The following ERGIC1 variants were observed in gnomAD, a reference collection of about 807,000 sequenced individuals.
ERGIC1 encodes the protein endoplasmic reticulum-golgi intermediate compartment 1.
In ERGIC1, 19 loss-of-function variants were observed where a neutral mutation model predicts 38.3. The observed-to-expected ratio is 0.50, with a 90% CI of 0.35 to 0.73. ERGIC1 has a LOEUF of 0.73. Among genes scored for constraint, ERGIC1 ranks in the 30% least tolerant of loss-of-function variants. The probability of loss-of-function intolerance (pLI) is 0.01; values close to 1 mark genes in which losing one functional copy is unlikely to be tolerated. For synonymous variants in ERGIC1, 124 were observed against 157.6 expected, an observed-to-expected ratio of 0.79 and a Z score of 1.60; for missense variants, 294 against 389.2, an observed-to-expected ratio of 0.76 and a Z score of 2.06.
chr5:172,914,234 CA>C (rs35584191), intron 4 of ERGIC1, among the ~76,000 whole-genome samples: 247 of 102,172 alleles, frequency 2.4e-3, no homozygotes, highest in East Asian at 0.017. Flanking sequence ...GACTCTGTCT[CA>C]AAAAAAAAAA....
chr5:172,876,973 T>C (rs1208254589), intron 1 of ERGIC1, among the ~76,000 whole-genome samples: 1 of 152,208 alleles, frequency 6.6e-6, no homozygotes, highest in African/African-American at 2.4e-5. Context: ...GCCTAATTTA[T>C]CATTTTTCTT....
intron 1 of ERGIC1, among the ~76,000 whole-genome samples, chr5:172,856,003 CA>C: frequency 6.6e-6 from 1 of 152,306 alleles, no homozygotes; most frequent in Non-Finnish European, 1.5e-5. Flanking sequence ...TTTAGTTCAT[CA>C]AATGTCACTT....
At chr5:172,873,029 T>C (rs1234818509) in intron 1 of ERGIC1, among the ~76,000 whole-genome samples, 1 of 152,188 alleles carries the variant, frequency 6.6e-6, no homozygotes, top group African/African-American at 2.4e-5. Flanking sequence ...TTTAAATCTC[T>C]GTGAAAGGCC....
chr5:172,949,909 T>A (rs1222295780), intron 9 of ERGIC1, among the ~76,000 whole-genome samples: 1 of 152,082 alleles, frequency 6.6e-6, no homozygotes, highest in Non-Finnish European at 1.5e-5. Context: ...CTGTCTCTAC[T>A]AAAAATACAA....
chr5:172,924,603 C>G (rs78451893), intron 6 of ERGIC1, among the ~76,000 whole-genome samples: 5,761 of 152,056 alleles, frequency 0.038, 378 homozygotes, highest in African/African-American at 0.13. Flanking sequence ...ACCCAGGAGG[C>G]AAGACTATAG....
At chr5:172,897,385 C>T (rs951906739) in intron 3 of ERGIC1, among the ~76,000 whole-genome samples, 4 of 149,622 alleles carry the variant, frequency 2.7e-5, no homozygotes, top group African/African-American at 5.0e-5. Flanking sequence ...ACCAAGAGTG[C>T]GCCACTGCAC....
chr5:172,847,271 TCTG>T (rs1761302239), intron 1 of ERGIC1, among the ~76,000 whole-genome samples: 1 of 152,140 alleles, frequency 6.6e-6, no homozygotes, highest in Admixed American at 6.6e-5. Flanking sequence ...GGCCATCACT[TCTG>T]CTCACACTCC....
intron 9 of ERGIC1, chr5:172,937,027 CAG>C (rs2113475726): frequency 1.3e-5 from 2 of 152,188 alleles, no homozygotes; most frequent in East Asian, 3.9e-4. Flanking sequence ...AGAAAACAGA[CAG>C]AGAGATACAA....
At chr5:172,893,916 T>TATATATATATACAC (rs1420718318) in intron 2 of ERGIC1, among the ~76,000 whole-genome samples, 42 of 81,776 alleles carry the variant, frequency 5.1e-4, no homozygotes, top group African/African-American at 1.5e-3. Flanking sequence ...TGTGTGTGTG[T>TATATATATATACAC]GTGTGTGTGT....
In ERGIC1 at chr5:172,834,264, G is replaced by T; in HGVS notation, c.-150G>T. 1.3e-6 allele frequency: 1 copy of T among 762,820 alleles called. No individual in the cohort carries two copies. Among genetic ancestry groups the T allele is most frequent in the South Asian group, 6.1e-5 (1 of 16,476 alleles). The allele number at this position is 762,820 out of a possible 1,614,324, so 47.3% of individuals were successfully genotyped here. A position where few individuals can be genotyped will look rare whatever the true frequency, so the allele number is the denominator to read the frequency against. On this transcript the variant is annotated 5_prime_UTR_variant, in exon 1 of 10. Coordinates refer to ENST00000393784, the MANE Select transcript of ERGIC1 (RefSeq NM_001031711.3). The surrounding 1 kb of genome is among the most constrained non-coding windows in gnomAD (Gnocchi z 4.1). Reference sequence around the variant, plus strand: ...GCGCGGAGCGTCACTTCCCGGCAGCGGGAGGCGAGTGGCGAGTGGCGAGTG... The same window carrying T: ...GCGCGGAGCGTCACTTCCCGGCAGCTGGAGGCGAGTGGCGAGTGGCGAGTG...
At chr5:172,840,935 G>A (rs1376338909) in intron 1 of ERGIC1, among the ~76,000 whole-genome samples, 6 of 152,174 alleles carry the variant, frequency 3.9e-5, no homozygotes, top group Non-Finnish European at 4.4e-5. Flanking sequence ...TGCCGCACTG[G>A]CTGCCTCACT....
chr5:172,936,061 C>G (rs1187004214), intron 9 of ERGIC1: 1 of 152,206 alleles, frequency 6.6e-6, no homozygotes, highest in African/African-American at 2.4e-5. Flanking sequence ...GGCCCTTATG[C>G]TTCTGTACTT....
chr5:172,866,543 TCCC>T (rs975640134), intron 1 of ERGIC1, among the ~76,000 whole-genome samples: 1 of 152,156 alleles, frequency 6.6e-6, no homozygotes, highest in African/African-American at 2.4e-5. Context: ...GGGGAAGCAC[TCCC>T]CCATGGGGGC....
At chr5:172,893,868 GATATATATATATAT>G (rs1191189327) in intron 2 of ERGIC1, among the ~76,000 whole-genome samples, 9 of 28,250 alleles carry the variant, frequency 3.2e-4, no homozygotes, top group South Asian at 2.3e-3. Context: ...CACTTAGGGG[GATATATATATATAT>G]ATATATATAT....
chr5:172,912,012 A>G (rs1005840937), intron 4 of ERGIC1, among the ~76,000 whole-genome samples: 3 of 146,716 alleles, frequency 2.0e-5, no homozygotes, highest in Admixed American at 6.8e-5. Flanking sequence ...TTTTGTTGTT[A>G]TTGTTGTTTT....
At chr5:172,869,096 G>A (rs1761940939) in intron 1 of ERGIC1, among the ~76,000 whole-genome samples, 1 of 152,220 alleles carries the variant, frequency 6.6e-6, no homozygotes, top group African/African-American at 2.4e-5. Context: ...GTGGGGAGCT[G>A]GAGGGAGGCA....
intron 1 of ERGIC1, among the ~76,000 whole-genome samples, chr5:172,858,382 C>T (rs914765018): frequency 2.6e-5 from 4 of 152,228 alleles, no homozygotes; most frequent in African/African-American, 4.8e-5. Flanking sequence ...CAGATCCTCA[C>T]GAACTCTTGA....
chr5:172,894,421 C>T lies in ERGIC1; in HGVS notation c.83-2581C>T, dbSNP rs915867955. On this transcript the variant is annotated intron_variant, in intron 2 of 9. Coordinates refer to ENST00000393784, the MANE Select transcript of ERGIC1 (RefSeq NM_001031711.3). ...GTGTTGGTCAGGCTGGTCTCGAACT[C>T]TTGACTTCGTGATCCGCCCGCCTCG... Among the ~76,000 whole-genome samples the T allele has an allele frequency of 3.3e-5, 5 of 151,982 alleles. No homozygotes were observed. In the East Asian group the frequency reaches 9.7e-4, roughly 29 times the overall value.
intron 5 of ERGIC1, among the ~76,000 whole-genome samples, chr5:172,923,360 AGGAGGAGGG>A (rs199959361): frequency 0.061 from 6,670 of 110,196 alleles, 218 homozygotes; most frequent in African/African-American, 0.12. Flanking sequence ...AGCATCTGGG[AGGAGGAGGG>A]GGAGGAGGGG....
Sources: gnomAD v4.1 joint callset for allele counts (sites outside exome capture counted in the v4.1 genomes callset) on GRCh38, gnomAD v4.1.1 for gene constraint, Gnocchi (gnomAD v3.1) non-coding constraint, MANE v1.5 for transcripts, NCBI Gene and HGNC (gene_info 2026-07-23, HGNC 2026-07-21) for gene names.